Variants in TRAPPC3L observed in about 807,000 individuals in gnomAD.
TRAPPC3L encodes trafficking protein particle complex subunit 3-like protein.
A neutral mutation model predicts 23.7 loss-of-function variants in TRAPPC3L; 23 were observed. The observed-to-expected ratio is 0.97, with a 90% CI of 0.70 to 1.37. The LOEUF is 1.37. Ranked by LOEUF, TRAPPC3L falls within the 40% of genes most tolerant of loss-of-function variation. The probability of loss-of-function intolerance (pLI) is 0.00; values close to 1 mark genes in which losing one functional copy is unlikely to be tolerated. For synonymous variants in TRAPPC3L, 81 were observed against 77.9 expected, an observed-to-expected ratio of 1.04 and a Z score of -0.21; for missense variants, 212 against 216.8, an observed-to-expected ratio of 0.98 and a Z score of 0.14.
At chr6:116,544,151 A>AGAGAGAGAGAGAG (rs1554238329) in intron 1 of TRAPPC3L, among the ~76,000 whole-genome samples, 1 of 132,918 alleles carries the variant, frequency 7.5e-6, no homozygotes, top group Non-Finnish European at 1.6e-5. Flanking sequence ...AAAGGTGAAG[A>AGAGAGAGAGAGAG]AGAGAGAGAG....
chr6:116,513,083 A>G (rs1030173968), intron 3 of TRAPPC3L, among the ~76,000 whole-genome samples: 3 of 152,198 alleles, frequency 2.0e-5, no homozygotes, highest in African/African-American at 7.2e-5. Flanking sequence ...TTGCATTCCC[A>G]AAAGCAAAAC....
intron 3 of TRAPPC3L, among the ~76,000 whole-genome samples, chr6:116,502,988 A>G (rs181912692): frequency 6.8e-4 from 104 of 152,340 alleles, no homozygotes; most frequent in African/African-American, 2.5e-3. Flanking sequence ...ATAACCAGCT[A>G]GCATCATAAT....
intron 3 of TRAPPC3L, chr6:116,529,293 T>C (rs943614599): frequency 6.6e-6 from 1 of 152,226 alleles, no homozygotes; most frequent in South Asian, 2.1e-4. Flanking sequence ...GTGGGAGGCA[T>C]GTACAATAAC....
chr6:116,543,629 A>G (rs4498404), intron 1 of TRAPPC3L: 1 of 651,134 alleles, frequency 1.5e-6, no homozygotes, highest in Non-Finnish European at 2.6e-6. Flanking sequence ...TGAATTTCGT[A>G]ACATGATAAC....
At chr6:116,526,818 T>C (rs1772445183) in intron 3 of TRAPPC3L, among the ~76,000 whole-genome samples, 1 of 152,206 alleles carries the variant, frequency 6.6e-6, no homozygotes, top group Non-Finnish European at 1.5e-5. Flanking sequence ...AATAGTTACA[T>C]TAATAAATAG....
At chr6:116,514,904 CAG>C (rs1473247247) in intron 3 of TRAPPC3L, among the ~76,000 whole-genome samples, 1 of 152,098 alleles carries the variant, frequency 6.6e-6, no homozygotes, top group Admixed American at 6.5e-5. Context: ...ATTGTGAAAA[CAG>C]AGTTAGAGCC....
intron 4 of TRAPPC3L, among the ~76,000 whole-genome samples, chr6:116,499,068 A>G (rs534337535): frequency 6.6e-6 from 1 of 152,308 alleles, no homozygotes; most frequent in East Asian, 1.9e-4. Context: ...AGCAGGCTCA[A>G]AATCGAACTC....
At chr6:116,508,332 C>T (rs1226327024) in intron 3 of TRAPPC3L, among the ~76,000 whole-genome samples, 1 of 152,072 alleles carries the variant, frequency 6.6e-6, no homozygotes, top group Non-Finnish European at 1.5e-5. Context: ...AGGTAAGTGA[C>T]AAAGACATTC....
chr6:116,495,269 C>T lies in TRAPPC3L; in HGVS notation c.*1685G>A, dbSNP rs1269797041. On this transcript the variant is annotated 3_prime_UTR_variant, in exon 5 of 5. Transcript: ENST00000368602. ...ACAAATAAATGAGAACATGCAAAGT[C>T]TGTCTTTCTGTCCTGACATATTTCA... 6.6e-6 allele frequency: 1 copy of T among 151,934 alleles called. No individual in the cohort carries two copies. Among genetic ancestry groups the T allele is most frequent in the Non-Finnish European group, 1.5e-5 (1 of 67,982 alleles). The allele number at this position is 151,934 out of a possible 1,614,324, so 9.4% of individuals were successfully genotyped here.
intron 3 of TRAPPC3L, among the ~76,000 whole-genome samples, chr6:116,530,681 C>A (rs576326956): frequency 6.6e-6 from 1 of 152,098 alleles, no homozygotes; most frequent in South Asian, 2.1e-4. Context: ...CTTCCAAGTG[C>A]AGAGTCATTT....
intron 1 of TRAPPC3L, among the ~76,000 whole-genome samples, chr6:116,544,151 A>AGAGAGAGAGAG (rs1554238329): frequency 7.5e-6 from 1 of 132,918 alleles, no homozygotes; most frequent in Non-Finnish European, 1.6e-5. Flanking sequence ...AAAGGTGAAG[A>AGAGAGAGAGAG]AGAGAGAGAG....
At position 116,495,786 on chromosome 6, in the gene TRAPPC3L, A is replaced by C. The variant is rs1304686789; in HGVS notation, c.*1168T>G. 1 of 152,152 alleles carries C rather than the reference A, an allele frequency of 6.6e-6. No individual in the cohort carries two copies. Among genetic ancestry groups the C allele is most frequent in the Non-Finnish European group, 1.5e-5 (1 of 68,016 alleles). 9.4% of individuals were successfully genotyped at this position (152,152 alleles called of 1,614,324 possible). On this transcript the variant is annotated 3_prime_UTR_variant, in exon 5 of 5. Coordinates refer to ENST00000368602, the MANE Select transcript of TRAPPC3L (RefSeq NM_001139444.3). ...GACCAATGATGTTGAGCACCTTTTCATATACCTGTTTGCCATTTGTATGTG... is the reference window on the plus strand; with the variant it reads ...GACCAATGATGTTGAGCACCTTTTCCTATACCTGTTTGCCATTTGTATGTG...
chr6:116,540,531 A>C, intron 2 of TRAPPC3L, 69 bp from the exon 3 acceptor site: 1 of 1,465,856 alleles, frequency 6.8e-7, no homozygotes, highest in South Asian at 1.2e-5. Flanking sequence ...GTTTTTAAGA[A>C]GCGATTTGTG....
rs1341461125 is a variant in TRAPPC3L at position 116,496,960 on chromosome 6, T to A, written c.540A>T (p.Lys180Asn). Residue 180 changes from lysine (K) to asparagine (N), a missense_variant, in exon 5 of 5, where the codon AAA (lysine) becomes AAT (asparagine). Transcript: ENST00000368602. ...GCATTTTCCGTGCTAGTCTTCATTT[T>A]TTCCCTCTATATTTTTTCTCGTCTC... ...KKRDEKKYRGKK is the reference protein window; with the variant it reads ...KKRDEKKYRGNK 6.5e-7 allele frequency: 1 copy of A among 1,543,504 alleles called. No individual in the cohort carries two copies. Among genetic ancestry groups the A allele is most frequent in the South Asian group, 1.2e-5 (1 of 81,892 alleles).
chr6:116,501,666 A>G (rs1435657832), intron 3 of TRAPPC3L, among the ~76,000 whole-genome samples: 2 of 152,214 alleles, frequency 1.3e-5, no homozygotes, highest in African/African-American at 4.8e-5. Flanking sequence ...CAAAGCTTCC[A>G]GAGGAAGGAT....
At position 116,545,670 on chromosome 6, in the gene TRAPPC3L, G is replaced by T; in HGVS notation, c.-156C>A. The T allele has an allele frequency of 1.9e-6, 1 of 529,044 alleles. No homozygotes were observed. The highest frequency in any genetic ancestry group is 3.2e-6 in the Non-Finnish European group (1 of 313,712). The allele number at this position is 529,044 out of a possible 1,614,324, so 32.8% of individuals were successfully genotyped here. A position where few individuals can be genotyped will look rare whatever the true frequency, so the allele number is the denominator to read the frequency against. ...CTGCACTCTGCTGCTTTTGCTCTTT[G>T]CTGAGCTGAAGAGGGAAAAAAACCA... On this transcript the variant is annotated 5_prime_UTR_variant, in exon 1 of 5. Transcript: ENST00000368602.
chr6:116,533,501 A>G (rs1292749024), intron 3 of TRAPPC3L, among the ~76,000 whole-genome samples: 1 of 152,194 alleles, frequency 6.6e-6, no homozygotes, highest in Non-Finnish European at 1.5e-5. Context: ...AGTGGCCAGA[A>G]TAATTCCAGC....
intron 3 of TRAPPC3L, chr6:116,517,822 C>T (rs1395457746): frequency 6.6e-6 from 1 of 152,060 alleles, no homozygotes; most frequent in Admixed American, 6.6e-5. Flanking sequence ...CACTCCCAGA[C>T]CTTGGGGAAG....
At chr6:116,515,455 A>T in intron 3 of TRAPPC3L, 1 of 909,382 alleles carries the variant, frequency 1.1e-6, no homozygotes, top group Non-Finnish European at 1.6e-6. Flanking sequence ...GTGAGTTTAA[A>T]GTGTTTAAAA....
Sources: allele counts gnomAD v4.1 joint callset (sites outside exome capture counted in the v4.1 genomes callset), GRCh38; gene constraint gnomAD v4.1.1; transcripts MANE v1.5; gene names NCBI Gene and HGNC (gene_info 2026-07-23, HGNC 2026-07-21).